HABP4: variants seen among roughly 807,000 people sequenced by gnomAD.
HABP4 encodes the protein hyaluronan binding protein 4.
In HABP4, 32 loss-of-function variants were observed where a neutral mutation model predicts 44.1. The ratio of observed to expected loss-of-function variants is 0.73; its 90% CI spans 0.55 to 0.97. The LOEUF is 0.97. HABP4 is among the 50% of genes least tolerant of loss of function. The pLI is 0.00. For missense variants in HABP4, 503 were observed against 561.9 expected (o/e 0.90, Z 1.06); for synonymous variants, 216 against 218.0 (o/e 0.99, Z 0.08).
Position 96,450,433 on chromosome 9 carries a change from C to A in HABP4, c.154C>A (p.Gln52Lys). 7.4e-7 allele frequency: 1 copy of A among 1,349,342 alleles called. No homozygotes were observed. Among genetic ancestry groups the A allele is most frequent in the Non-Finnish European group, 9.7e-7 (1 of 1,033,994 alleles). 83.6% of individuals were successfully genotyped at this position (1,349,342 alleles called of 1,614,324 possible). A position where few individuals can be genotyped will look rare whatever the true frequency, so the allele number is the denominator to read the frequency against. The change falls in exon 1 of 8, where the codon CAG (glutamine) becomes AAG (lysine). Residue 52 changes from glutamine (Q) to lysine (K), a missense_variant. By Grantham distance (53) the Gln-to-Lys change is moderately conservative. Coordinates refer to ENST00000375249, the MANE Select transcript of HABP4 (RefSeq NM_014282.4). The surrounding 1 kb of genome is among the most constrained non-coding windows in gnomAD (Gnocchi z 4.8). ...CGAGGCCGAGCGCCGGCGCCAGCAG[C>A]AGCTGCAGCGCAAGAGGCGCGACGA... The part of the protein sequence containing the change: ...LREAERRRQQ[Q>K]LQRKRRDEAA...
intron 6 of HABP4, among the ~76,000 whole-genome samples, chr9:96,486,046 AGCCG>A (rs1207418525): frequency 6.6e-6 from 1 of 152,084 alleles, no homozygotes; most frequent in Non-Finnish European, 1.5e-5. Flanking sequence ...TACAAAAACT[AGCCG>A]GGCGGTTGGC....
chr9:96,473,595 C>G (rs764954841), intron 5 of HABP4, among the ~76,000 whole-genome samples: 3 of 152,172 alleles, frequency 2.0e-5, no homozygotes, highest in Non-Finnish European at 4.4e-5. Context: ...GTCTTCCTGT[C>G]CTTTTTCTGT....
chr9:96,488,354 G>A lies in HABP4; in HGVS notation c.1185+80G>A. 1 of 903,928 alleles carries A rather than the reference G, an allele frequency of 1.1e-6. No individual in the cohort carries two copies. The highest frequency in any genetic ancestry group is 1.7e-6 in the Non-Finnish European group (1 of 600,894). 56.0% of individuals were successfully genotyped at this position (903,928 alleles called of 1,614,324 possible). A position where few individuals can be genotyped will look rare whatever the true frequency, so the allele number is the denominator to read the frequency against. The stretch of plus-strand genomic sequence containing the variant: ...GGCCCAGGATGGTCTAATTTCAGAG[G>A]GTCATGAGTTTCTGCAGTCACTTCT... On this transcript the variant is annotated intron_variant, in intron 7 of 7. Coordinates refer to ENST00000375249, the MANE Select transcript of HABP4 (RefSeq NM_014282.4). The surrounding 1 kb of genome is among the most constrained non-coding windows in gnomAD (Gnocchi z 4.6).
chr9:96,454,884 C>T (rs910240443), intron 1 of HABP4, among the ~76,000 whole-genome samples: 3 of 152,056 alleles, frequency 2.0e-5, no homozygotes, highest in East Asian at 1.9e-4. Flanking sequence ...GGAGGCTAGG[C>T]GGGAGGATCA....
intron 6 of HABP4, among the ~76,000 whole-genome samples, chr9:96,487,147 T>C (rs1346370243): frequency 2.6e-5 from 4 of 151,996 alleles, no homozygotes; most frequent in African/African-American, 9.7e-5. Flanking sequence ...ATGTTAAACA[T>C]GAAGGCTGTC....
rs370374239 is a variant in HABP4 at position 96,453,003 on chromosome 9, C to G, written c.349+2375C>G. 2.8e-5 allele frequency among the ~76,000 whole-genome samples: 4 copies of G among 144,062 alleles called. No individual in the cohort carries two copies. The South Asian group carries it at 8.9e-4, about 32-fold the overall frequency. The allele number at this position is 144,062 out of a possible 152,430, so 94.5% of individuals were successfully genotyped here. ...TGGCATGATCTCGGTTCACTGCAAC[C>G]TCTACCTCCTGGGTTCAAGCGATTC... On this transcript the variant is annotated intron_variant, in intron 1 of 7. Transcript: ENST00000375249.
intron 4 of HABP4, 57 bp from the exon 5 acceptor site, chr9:96,470,954 C>G (rs1832686858): frequency 2.2e-6 from 2 of 927,928 alleles, no homozygotes; most frequent in Admixed American, 3.8e-5. Context: ...CTTAAACATA[C>G]AAAGGCATTG....
Position 96,490,247 on chromosome 9 carries a change from G to A in HABP4, c.*209G>A. On this transcript the variant is annotated 3_prime_UTR_variant, in exon 8 of 8. Transcript: ENST00000375249. ...ATTTCCCAAGAAGATGAAGAATGGT[G>A]ACTGTGTTTTTATTGAAGGAATTTC... The A allele has an allele frequency of 1.7e-6, 1 of 579,328 alleles. No homozygotes were observed. Among genetic ancestry groups the A allele is most frequent in the Non-Finnish European group, 3.1e-6 (1 of 325,982 alleles). The allele number at this position is 579,328 out of a possible 1,614,324, so 35.9% of individuals were successfully genotyped here. A position where few individuals can be genotyped will look rare whatever the true frequency, so the allele number is the denominator to read the frequency against.
chr9:96,475,106 G>A (rs1463169935), intron 5 of HABP4, among the ~76,000 whole-genome samples: 3 of 152,190 alleles, frequency 2.0e-5, no homozygotes, highest in Non-Finnish European at 4.4e-5. Context: ...GCCAGGCGCG[G>A]TGGCTCACAC....
At chr9:96,471,472 A>G (rs998583845) in intron 5 of HABP4, among the ~76,000 whole-genome samples, 1 of 152,052 alleles carries the variant, frequency 6.6e-6, no homozygotes, top group Non-Finnish European at 1.5e-5. Context: ...CTCTTCACAG[A>G]CTGGGAATCT....
upstream of HABP4, chr9:96,450,146 C>A: frequency 2.2e-6 from 2 of 914,220 alleles, no homozygotes; most frequent in Non-Finnish European, 1.4e-6. This position sits in a 1 kb window ranked among gnomAD's most constrained non-coding sequence, Gnocchi z 4.8. Flanking sequence ...CGGGGGCGGG[C>A]GCCGGTAGGG....
intron 5 of HABP4, among the ~76,000 whole-genome samples, chr9:96,477,504 T>C (rs564945957): frequency 6.6e-6 from 1 of 152,342 alleles, no homozygotes; most frequent in South Asian, 2.1e-4. Context: ...TACCTGCTAC[T>C]CTTTTTTAAT....
At position 96,488,420 on chromosome 9, in the gene HABP4, G is replaced by A. The variant is rs1564171056; in HGVS notation, c.1185+146G>A. 13 of 608,352 alleles carry A rather than the reference G, an allele frequency of 2.1e-5. No homozygotes were observed. In the South Asian group the frequency reaches 2.2e-4, roughly 10 times the overall value. 37.7% of individuals were successfully genotyped at this position (608,352 alleles called of 1,614,324 possible). ...GGGACTGATGTTGGGGCATTTGGACGGTGTTGTAGCATCATGGACATCTTG... is the reference window on the plus strand; with the variant it reads ...GGGACTGATGTTGGGGCATTTGGACAGTGTTGTAGCATCATGGACATCTTG... On this transcript the variant is annotated intron_variant, in intron 7 of 7. Coordinates refer to ENST00000375249, the MANE Select transcript of HABP4 (RefSeq NM_014282.4). This position sits in a 1 kb window ranked among gnomAD's most constrained non-coding sequence, Gnocchi z 4.6.
At chr9:96,478,300 T>C (rs531955374) in intron 5 of HABP4, among the ~76,000 whole-genome samples, 2 of 152,118 alleles carry the variant, frequency 1.3e-5, no homozygotes, top group East Asian at 3.9e-4. Context: ...ACCCAGCTAA[T>C]TTTTGTATTT....
In HABP4 at chr9:96,465,824, A is replaced by C. The variant is rs374124748; in HGVS notation, c.743+46A>C. On this transcript the variant is annotated intron_variant, in intron 4 of 7. Coordinates refer to ENST00000375249, the MANE Select transcript of HABP4 (RefSeq NM_014282.4). ...CTCTGAGAACCTGCAATTAAGTGGAAATCTCTGGATCTTTGCTTTTCTTGA... is the reference window on the plus strand; with the variant it reads ...CTCTGAGAACCTGCAATTAAGTGGACATCTCTGGATCTTTGCTTTTCTTGA... 1.7e-5 allele frequency: 17 copies of C among 990,418 alleles called. No individual in the cohort carries two copies. The African/African-American group carries it at 2.7e-4, about 16-fold the overall frequency. 61.4% of individuals were successfully genotyped at this position (990,418 alleles called of 1,614,324 possible).
chr9:96,474,108 T>C (rs542426958), intron 5 of HABP4, among the ~76,000 whole-genome samples: 2 of 152,364 alleles, frequency 1.3e-5, no homozygotes, highest in African/African-American at 4.8e-5. Flanking sequence ...GCTCTTATTA[T>C]TGTTACTTAC....
At chr9:96,451,533 G>A in intron 1 of HABP4, 5 of 933,504 alleles carry the variant, frequency 5.4e-6, no homozygotes, top group Non-Finnish European at 6.4e-6. Flanking sequence ...CATTCCTGCC[G>A]ACGTTTGCCA....
intron 1 of HABP4, among the ~76,000 whole-genome samples, chr9:96,456,072 A>G (rs1217192660): frequency 6.6e-6 from 1 of 152,158 alleles, no homozygotes; most frequent in East Asian, 1.9e-4. Context: ...AAATAAATAA[A>G]TAAATGAAAC....
At chr9:96,456,359 T>TA (rs1305245047) in intron 1 of HABP4, among the ~76,000 whole-genome samples, 1 of 152,194 alleles carries the variant, frequency 6.6e-6, no homozygotes, top group Non-Finnish European at 1.5e-5. Context: ...ACCCAGATGA[T>TA]AAAGTTTTGG....
Sources: allele counts gnomAD v4.1 joint callset (sites outside exome capture counted in the v4.1 genomes callset), GRCh38; gene constraint gnomAD v4.1.1; non-coding constraint Gnocchi (gnomAD v3.1); transcripts MANE v1.5; gene names NCBI Gene and HGNC (gene_info 2026-07-23, HGNC 2026-07-21).